Variants in MEX3D observed in about 807,000 individuals in gnomAD.
MEX3D encodes the protein RNA-binding protein MEX3D.
In MEX3D, 4 loss-of-function variants were observed where a neutral mutation model predicts 6.3. That is an observed-to-expected ratio of 0.64 (90% CI 0.31 to 1.46). The LOEUF (loss-of-function observed/expected upper bound fraction) is 1.46. Ranked by LOEUF, MEX3D falls within the 40% of genes most tolerant of loss-of-function variation. The pLI, the probability that MEX3D is intolerant of heterozygous loss-of-function variation, is 0.07. For synonymous variants in MEX3D, 626 were observed against 494.1 expected, an observed-to-expected ratio of 1.27 and a Z score of -3.54; for missense variants, 1,038 against 994.4, an observed-to-expected ratio of 1.04 and a Z score of -0.59.
intron 1 of MEX3D, among the ~76,000 whole-genome samples, chr19:1,560,410 G>A (rs1568265849): frequency 1.3e-5 from 2 of 152,348 alleles, no homozygotes; most frequent in South Asian, 2.1e-4. Flanking sequence ...ACGCCGACCC[G>A]GCAGAGGGCA....
At chr19:1,564,243 T>A (rs1415743295) in intron 1 of MEX3D, among the ~76,000 whole-genome samples, 1 of 152,006 alleles carries the variant, frequency 6.6e-6, no homozygotes, top group Non-Finnish European at 1.5e-5. Context: ...AATAAAGATC[T>A]AGCCAATGGC....
Position 1,555,440 on chromosome 19 carries a change from C to CG in MEX3D, c.*122_*123insC, listed in dbSNP as rs1914498501. On this transcript the variant is annotated 3_prime_UTR_variant, in exon 2 of 2. Coordinates refer to ENST00000402693, the MANE Select transcript of MEX3D (RefSeq NM_203304.4). Reference sequence around the variant, plus strand: ...GTAAACACTGGCCGCCGCCCACCCCCCTGCCCCCTCGGCCTCCGCCCCTCG... The same window carrying CG: ...GTAAACACTGGCCGCCGCCCACCCCCGCTGCCCCCTCGGCCTCCGCCCCTCG... 6.8e-7 allele frequency: 1 copy of CG among 1,470,452 alleles called. No individual in the cohort carries two copies. Among genetic ancestry groups the CG allele is most frequent in the East Asian group, 3.0e-5 (1 of 33,870 alleles). The allele number at this position is 1,470,452 out of a possible 1,614,324, so 91.1% of individuals were successfully genotyped here. A position where few individuals can be genotyped will look rare whatever the true frequency, so the allele number is the denominator to read the frequency against.
At chr19:1,562,077 C>T (rs570507652) in intron 1 of MEX3D, among the ~76,000 whole-genome samples, 115 of 151,556 alleles carry the variant, frequency 7.6e-4, no homozygotes, top group Admixed American at 1.4e-3. Flanking sequence ...CTAGCTAACA[C>T]GGTGAAACCC....
In MEX3D at chr19:1,555,034, G is replaced by GCCC. The variant is rs60802257; in HGVS notation, c.*526_*528dup. Reference sequence around the variant, plus strand: ...GAACGCCCCTCGCCCCCGCCCCCCTGCCCCCTCCGGCCGCGCACGGTTGAT... The same window carrying GCCC: ...GAACGCCCCTCGCCCCCGCCCCCCTGCCCCCCCCTCCGGCCGCGCACGGTTGAT... On this transcript the variant is annotated 3_prime_UTR_variant, in exon 2 of 2. Coordinates refer to ENST00000402693, the MANE Select transcript of MEX3D (RefSeq NM_203304.4). The GCCC allele has an allele frequency of 3.6e-4, 37 of 103,748 alleles. No homozygotes were observed. Among genetic ancestry groups the GCCC allele is most frequent in the South Asian group, 6.2e-4 (2 of 3,250 alleles). 6.4% of individuals were successfully genotyped at this position (103,748 alleles called of 1,614,324 possible). A position where few individuals can be genotyped will look rare whatever the true frequency, so the allele number is the denominator to read the frequency against.
chr19:1,558,758 C>CCCCAGT (rs1267056836), intron 1 of MEX3D, among the ~76,000 whole-genome samples: 2 of 152,334 alleles, frequency 1.3e-5, no homozygotes, highest in East Asian at 3.9e-4. Flanking sequence ...ACTGCAGACG[C>CCCCAGT]CCGCACCCTG....
At chr19:1,559,666 G>T (rs1243957819) in intron 1 of MEX3D, among the ~76,000 whole-genome samples, 1 of 152,234 alleles carries the variant, frequency 6.6e-6, no homozygotes, top group Non-Finnish European at 1.5e-5. Context: ...GGCTCTGAGG[G>T]GAAAACAGTG....
At chr19:1,560,427 G>A (rs1377146984) in intron 1 of MEX3D, among the ~76,000 whole-genome samples, 3 of 152,230 alleles carry the variant, frequency 2.0e-5, no homozygotes, top group African/African-American at 4.8e-5. Flanking sequence ...GGCAGAGCCC[G>A]CCAGCGTTGC....
At position 1,567,130 on chromosome 19, in the gene MEX3D, G is replaced by A. The variant is rs1319911039; in HGVS notation, c.595+334C>T. On this transcript the variant is annotated intron_variant, in intron 1 of 1. Transcript: ENST00000402693. The surrounding 1 kb of genome is among the most constrained non-coding windows in gnomAD (Gnocchi z 6.5). ...GCGCCCCCCGCCCGGCCGGAGCCCC[G>A]GGCCCTCGAGCCCCTCTCTGGGGTG... Among the ~76,000 whole-genome samples, 2 of 152,044 alleles carry A rather than the reference G, an allele frequency of 1.3e-5. No homozygotes were observed. The highest frequency in any genetic ancestry group is 2.9e-5 in the Non-Finnish European group (2 of 67,952).
In MEX3D at chr19:1,555,470, CT is replaced by C; in HGVS notation, c.*92del. ...CCCCTCGGCCTCCGCCCCTCGCCCC[CT>C]CCCCGTCCCTCTCCCACCCCGGGTC... is the stretch of plus-strand genomic sequence containing the variant. On this transcript the variant is annotated 3_prime_UTR_variant, in exon 2 of 2. Coordinates refer to ENST00000402693, the MANE Select transcript of MEX3D (RefSeq NM_203304.4). 6.7e-7 allele frequency: 1 copy of C among 1,495,110 alleles called. No homozygotes were observed. The highest frequency in any genetic ancestry group is 9.0e-7 in the Non-Finnish European group (1 of 1,113,640). 92.6% of individuals were successfully genotyped at this position (1,495,110 alleles called of 1,614,324 possible).
chr19:1,556,209 T>A lies in MEX3D; in HGVS notation c.1310A>T (p.Glu437Val). ...CGTCCCCACCGGGGCACCGGGACCCTCCGCGCCGAAGGCGAAGCCCCCGTT... is the reference window on the plus strand; with the variant it reads ...CGTCCCCACCGGGGCACCGGGACCCACCGCGCCGAAGGCGAAGCCCCCGTT... ...SGNGGFAFGA[E>V]GPGAPVGTAA... Residue 437 changes from glutamate to valine, a missense_variant, in exon 2 of 2, where the codon GAG (glutamate) becomes GTG (valine). Glu to Val is a moderately radical substitution (Grantham distance 121). Around this residue, in one of 5 missense-constraint regions of MEX3D, gnomAD observed 581 missense variants for 516.2 expected, o/e 1.13. Coordinates refer to ENST00000402693, the MANE Select transcript of MEX3D (RefSeq NM_203304.4). The surrounding 1 kb of genome is among the most constrained non-coding windows in gnomAD (Gnocchi z 7.5). 7.0e-7 allele frequency: 1 copy of A among 1,432,066 alleles called. No individual in the cohort carries two copies. Among genetic ancestry groups the A allele is most frequent in the Non-Finnish European group, 9.1e-7 (1 of 1,093,372 alleles). The allele number at this position is 1,432,066 out of a possible 1,614,324, so 88.7% of individuals were successfully genotyped here.
Position 1,556,713 on chromosome 19 carries a change from T to C in MEX3D, c.806A>G (p.Asn269Ser). The change falls in exon 2 of 2, where the codon AAC becomes AGC. Residue 269 changes from asparagine to serine, a missense_variant. Coordinates refer to ENST00000402693, the MANE Select transcript of MEX3D (RefSeq NM_203304.4). This position sits in a 1 kb window ranked among gnomAD's most constrained non-coding sequence, Gnocchi z 7.5. ...GLPGAAQGPP[N>S]LPGQTTIQVR... ...CTGGATGGTGGTCTGTCCGGGAAGG[T>C]TGGGCGGGCCCTGGGCGGCGCCGGG... 1.2e-6 allele frequency: 2 copies of C among 1,610,964 alleles called. No individual in the cohort carries two copies. Among genetic ancestry groups the C allele is most frequent in the Non-Finnish European group, 1.7e-6 (2 of 1,178,946 alleles).
chr19:1,566,321 T>G (rs1051503535), intron 1 of MEX3D, among the ~76,000 whole-genome samples: 2 of 152,130 alleles, frequency 1.3e-5, no homozygotes, highest in Admixed American at 6.5e-5. Context: ...CAGGAGGCTG[T>G]GGTGCCCCAC....
Position 1,555,172 on chromosome 19 carries a change from G to C in MEX3D, c.*391C>G. ...GGCGAGAAAAGTCAAATCAGAAAAC[G>C]GCTTCGGACGAAAGGAAAAAACGCT... On this transcript the variant is annotated 3_prime_UTR_variant, in exon 2 of 2. Coordinates refer to ENST00000402693, the MANE Select transcript of MEX3D (RefSeq NM_203304.4). The C allele has an allele frequency of 1.5e-6, 1 of 649,594 alleles. No individual in the cohort carries two copies. The highest frequency in any genetic ancestry group is 2.1e-5 in the South Asian group (1 of 48,200). 40.2% of individuals were successfully genotyped at this position (649,594 alleles called of 1,614,324 possible). A position where few individuals can be genotyped will look rare whatever the true frequency, so the allele number is the denominator to read the frequency against.
Position 1,555,448 on chromosome 19 carries a change from C to A in MEX3D, c.*115G>T, listed in dbSNP as rs1225487140. On this transcript the variant is annotated 3_prime_UTR_variant, in exon 2 of 2. Coordinates refer to ENST00000402693, the MANE Select transcript of MEX3D (RefSeq NM_203304.4). ...TGGCCGCCGCCCACCCCCCTGCCCC[C>A]TCGGCCTCCGCCCCTCGCCCCCTCC... 3 of 1,449,008 alleles carry A rather than the reference C, an allele frequency of 2.1e-6. No homozygotes were observed. The highest frequency in any genetic ancestry group is 1.8e-6 in the Non-Finnish European group (2 of 1,082,162). 89.8% of individuals were successfully genotyped at this position (1,449,008 alleles called of 1,614,324 possible).
In MEX3D at chr19:1,567,327, C is replaced by A; in HGVS notation, c.595+137G>T. Reference sequence around the variant, plus strand: ...CAGGACAAAGGCGCAAAGGCAGCGGCCGAGGCCGGAGCCCACGCGGGGCGT... The same window carrying A: ...CAGGACAAAGGCGCAAAGGCAGCGGACGAGGCCGGAGCCCACGCGGGGCGT... On this transcript the variant is annotated intron_variant, in intron 1 of 1. Transcript: ENST00000402693. This position sits in a 1 kb window ranked among gnomAD's most constrained non-coding sequence, Gnocchi z 6.5. 1 of 1,038,736 alleles carries A rather than the reference C, an allele frequency of 9.6e-7. No individual in the cohort carries two copies. Among genetic ancestry groups the A allele is most frequent in the Non-Finnish European group, 1.3e-6 (1 of 790,796 alleles). The allele number at this position is 1,038,736 out of a possible 1,614,324, so 64.3% of individuals were successfully genotyped here.
intron 1 of MEX3D, among the ~76,000 whole-genome samples, chr19:1,557,564 T>TAA (rs541363387): frequency 7.2e-5 from 8 of 110,830 alleles, no homozygotes; most frequent in African/African-American, 1.4e-4. Flanking sequence ...AGACTCCAAC[T>TAA]AAAAAAAAAA....
Position 1,556,981 on chromosome 19 carries a change from C to G in MEX3D, c.596-58G>C. 1 of 1,519,932 alleles carries G rather than the reference C, an allele frequency of 6.6e-7. No homozygotes were observed. Among genetic ancestry groups the G allele is most frequent in the East Asian group, 2.3e-5 (1 of 44,158 alleles). 94.2% of individuals were successfully genotyped at this position (1,519,932 alleles called of 1,614,324 possible). A position where few individuals can be genotyped will look rare whatever the true frequency, so the allele number is the denominator to read the frequency against. ...CCAGAGCCCCCTGCGCAGCTCAGCC[C>G]CGCTGGGCATGCAGGCTGCAGGGCC... is the stretch of plus-strand genomic sequence containing the variant. On this transcript the variant is annotated intron_variant, in intron 1 of 1. Coordinates refer to ENST00000402693, the MANE Select transcript of MEX3D (RefSeq NM_203304.4). The surrounding 1 kb of genome is among the most constrained non-coding windows in gnomAD (Gnocchi z 7.5).
rs1183189895 is a variant in MEX3D, at chr19:1,556,512, G to T, written c.1007C>A (p.Ala336Glu). The change falls in exon 2 of 2, where the codon GCG becomes GAG. Residue 336 changes from alanine to glutamate, a missense_variant. By Grantham distance (107) the Ala-to-Glu change is moderately radical (BLOSUM62 -1). Coordinates refer to ENST00000402693, the MANE Select transcript of MEX3D (RefSeq NM_203304.4). This position sits in a 1 kb window ranked among gnomAD's most constrained non-coding sequence, Gnocchi z 7.5. ...NVDRAREEIE[A>E]HITLRTGAFT... ...GGCGCCAGTGCGCAGCGTGATGTGCGCCTCGATCTCCTCGCGCGCGCGGTC... is the reference window on the plus strand; with the variant it reads ...GGCGCCAGTGCGCAGCGTGATGTGCTCCTCGATCTCCTCGCGCGCGCGGTC... The T allele has an allele frequency of 6.2e-7, 1 of 1,605,990 alleles. No homozygotes were observed. The highest frequency in any genetic ancestry group is 1.7e-5 in the Admixed American group (1 of 59,810).
chr19:1,564,884 T>C lies in MEX3D; in HGVS notation c.595+2580A>G, dbSNP rs117468334. On this transcript the variant is annotated intron_variant, in intron 1 of 1. Transcript: ENST00000402693. ...GGGCAGGGCCGGGGCACAAAGGACA[T>C]TGAAAGGTATGCTTGAGAACGGGGT... 9.4e-3 allele frequency among the ~76,000 whole-genome samples: 1,429 copies of C among 152,036 alleles called. 12 individuals carry two copies. The highest frequency in any genetic ancestry group is 0.014 in the Non-Finnish European group (920 of 67,968).
Sources: allele counts gnomAD v4.1 joint callset (sites outside exome capture counted in the v4.1 genomes callset), GRCh38; gene constraint gnomAD v4.1.1; regional missense constraint gnomAD v4.1.1; non-coding constraint Gnocchi (gnomAD v3.1); transcripts MANE v1.5; gene names NCBI Gene and HGNC (gene_info 2026-07-23, HGNC 2026-07-21).